The following RANBP2 variants were observed in gnomAD, a reference collection of about 807,000 sequenced individuals.
The protein encoded by RANBP2 is E3 SUMO-protein ligase RanBP2.
RANBP2 carries 57 observed loss-of-function variants against 303.6 expected under a neutral mutation model. That is an observed-to-expected ratio of 0.19 (90% CI 0.15 to 0.23). RANBP2 has a LOEUF of 0.23. RANBP2 is among the 10% of genes least tolerant of loss of function. The pLI is 1.00. For missense variants in RANBP2, 3,138 were observed against 3,780.8 expected (o/e 0.83, Z 4.46); for synonymous variants, 1,167 against 1,301.5 (o/e 0.90, Z 2.23).
At chr2:108,772,709 C>CT in intron 22 of RANBP2, 128 bp downstream of exon 22, 1 of 1,224,540 alleles carries the variant, frequency 8.2e-7, no homozygotes, top group Admixed American at 2.4e-5. Context: ...AAACTTAAAA[C>CT]TAACAGGTGA....
the RANBP2 span, among the ~76,000 whole-genome samples, chr2:109,724,358 C>A: frequency 6.6e-5 from 10 of 152,242 alleles, no homozygotes; most frequent in Middle Eastern, 6.8e-3. Flanking sequence ...TTACTTTGGG[C>A]AGCATGGCCA....
At chr2:109,378,582 T>C in the RANBP2 span, among the ~76,000 whole-genome samples, 2 of 152,250 alleles carry the variant, frequency 1.3e-5, no homozygotes, top group African/African-American at 4.8e-5. Context: ...ATTGGACATC[T>C]TGGCATTCCT....
the RANBP2 span, among the ~76,000 whole-genome samples, chr2:109,410,800 C>T: frequency 1.3e-5 from 2 of 152,276 alleles, no homozygotes; most frequent in Admixed American, 1.3e-4. Flanking sequence ...GGCTGCTAGG[C>T]GCGACTTCGT....
At chr2:109,475,041 G>T in the RANBP2 span, among the ~76,000 whole-genome samples, 1 of 152,148 alleles carries the variant, frequency 6.6e-6, no homozygotes, top group East Asian at 1.9e-4. Context: ...GCAGTGGTGC[G>T]ATCTCTGCTC....
chr2:109,697,485 T>TAA, the RANBP2 span, among the ~76,000 whole-genome samples: 232 of 139,352 alleles, frequency 1.7e-3, no homozygotes, highest in Admixed American at 2.7e-3. Context: ...AACTCTGTCT[T>TAA]AAAAAAAAAA....
the RANBP2 span, among the ~76,000 whole-genome samples, chr2:109,609,037 A>G: frequency 6.6e-6 from 1 of 152,198 alleles, no homozygotes; most frequent in East Asian, 1.9e-4. Flanking sequence ...TTTCCCACAG[A>G]CCAAAATATA....
chr2:109,391,673 A>G, the RANBP2 span, among the ~76,000 whole-genome samples: 1 of 152,208 alleles, frequency 6.6e-6, no homozygotes, highest in African/African-American at 2.4e-5. Context: ...TCCCCAGGAA[A>G]TAAGAGTTTG....
chr2:109,667,230 A>G, the RANBP2 span: 1 of 1,006,784 alleles, frequency 9.9e-7, no homozygotes, highest in Admixed American at 1.8e-5. Flanking sequence ...GACCCAAGCA[A>G]ACGCAGGCAA....
the RANBP2 span, among the ~76,000 whole-genome samples, chr2:109,174,625 T>C: frequency 6.6e-6 from 1 of 152,226 alleles, no homozygotes; most frequent in Non-Finnish European, 1.5e-5. Flanking sequence ...CCTTGCTATG[T>C]TTGATAAGGA....
intron 7 of RANBP2, among the ~76,000 whole-genome samples, chr2:108,741,440 C>G (rs1403193384): frequency 1.3e-5 from 2 of 150,104 alleles, no homozygotes; most frequent in Admixed American, 1.3e-4. Flanking sequence ...TCGTGATCTG[C>G]CTGCCTTGGT....
the RANBP2 span, among the ~76,000 whole-genome samples, chr2:109,515,924 C>T: frequency 6.6e-6 from 1 of 152,202 alleles, no homozygotes; most frequent in East Asian, 1.9e-4. Flanking sequence ...CAAACACCGC[C>T]TGCCAGGCCC....
the RANBP2 span, among the ~76,000 whole-genome samples, chr2:109,013,595 CTTT>C: frequency 1.4e-5 from 2 of 144,776 alleles, no homozygotes; most frequent in Non-Finnish European, 1.5e-5. Context: ...TCTTTCCAAT[CTTT>C]TTTTTTTTTT....
At chr2:109,239,185 G>A in the RANBP2 span, among the ~76,000 whole-genome samples, 22 of 152,270 alleles carry the variant, frequency 1.4e-4, no homozygotes, top group South Asian at 4.6e-3. Flanking sequence ...TTCCCTGGGT[G>A]TGAGCCCTGC....
chr2:109,727,469 G>A, the RANBP2 span, among the ~76,000 whole-genome samples: 4 of 152,176 alleles, frequency 2.6e-5, no homozygotes, highest in Admixed American at 6.5e-5. Flanking sequence ...CCGTATCCTG[G>A]AAGTCTGTGT....
At chr2:109,684,362 T>A in the RANBP2 span, among the ~76,000 whole-genome samples, 4 of 151,034 alleles carry the variant, frequency 2.6e-5, no homozygotes, top group South Asian at 4.2e-4. Context: ...TGCCTCAGTC[T>A]CCTGAGTAGT....
the RANBP2 span, among the ~76,000 whole-genome samples, chr2:108,888,053 G>A: frequency 1.3e-5 from 2 of 152,168 alleles, no homozygotes; most frequent in East Asian, 1.9e-4. Flanking sequence ...TGCCTAGTTT[G>A]TTGAGAGTTT....
the RANBP2 span, among the ~76,000 whole-genome samples, chr2:109,538,798 C>T: frequency 6.6e-6 from 1 of 152,208 alleles, no homozygotes; most frequent in Non-Finnish European, 1.5e-5. Context: ...GAATTACAGG[C>T]ATGAGCCGCC....
chr2:108,956,820 T>C, the RANBP2 span, among the ~76,000 whole-genome samples: 1 of 152,080 alleles, frequency 6.6e-6, no homozygotes, highest in Non-Finnish European at 1.5e-5. Flanking sequence ...AGAGTTTTTG[T>C]TCTTGTTGCC....
the RANBP2 span, among the ~76,000 whole-genome samples, chr2:109,304,501 CT>C: frequency 6.6e-6 from 1 of 152,170 alleles, no homozygotes; most frequent in Non-Finnish European, 1.5e-5. Context: ...CTTCCTGAGT[CT>C]CCTCTCTCCA....
Sources: gnomAD v4.1 joint callset for allele counts (sites outside exome capture counted in the v4.1 genomes callset) on GRCh38, gnomAD v4.1.1 for gene constraint, MANE v1.5 for transcripts, NCBI Gene and HGNC (gene_info 2026-07-23, HGNC 2026-07-21) for gene names.